Variants in FRMD4A observed in about 807,000 individuals in gnomAD.
FRMD4A encodes FERM domain containing 4A, also known as FERM domain-containing protein 4A.
In FRMD4A, 29 loss-of-function variants were observed where a neutral mutation model predicts 129.1. The ratio of observed to expected loss-of-function variants is 0.22; its 90% confidence interval spans 0.17 to 0.31. The LOEUF (loss-of-function observed/expected upper bound fraction) is 0.31. Among genes scored for constraint, FRMD4A ranks in the 10% least tolerant of loss-of-function variants. The pLI, the probability that FRMD4A is intolerant of heterozygous loss-of-function variation, is 1.00. For synonymous variants in FRMD4A, 634 were observed against 571.6 expected (o/e 1.11, Z -1.56); for missense variants, 1,272 against 1,375.8 (o/e 0.92, Z 1.19).
intron 6 of FRMD4A, among the ~76,000 whole-genome samples, chr10:13,773,934 C>T (rs761988527): frequency 9.2e-5 from 14 of 152,296 alleles, no homozygotes; most frequent in Middle Eastern, 3.4e-3. Context: ...AAAGCTGTGC[C>T]GTCTTATTGG....
rs759226131 is a variant in FRMD4A, at chr10:14,282,594, C to T, written c.45+47464G>A. 1.9e-4 allele frequency among the ~76,000 whole-genome samples: 28 copies of T among 149,728 alleles called. No homozygotes were observed. In the South Asian group the frequency reaches 3.5e-3, roughly 19 times the overall value. On this transcript the variant is annotated intron_variant, in intron 2 of 24. Coordinates refer to ENST00000357447, the MANE Select transcript of FRMD4A (RefSeq NM_018027.5). ...AGATTCTTTTCAGTTACCCTCACTG[C>T]TAACGGGAGCCAACCACACTCTGAA...
intron 2 of FRMD4A, among the ~76,000 whole-genome samples, chr10:14,119,264 C>G (rs1319398193): frequency 1.3e-5 from 2 of 152,162 alleles, no homozygotes; most frequent in African/African-American, 4.8e-5. Context: ...CGGGAGCATC[C>G]TTAGGCCAGA....
intron 2 of FRMD4A, among the ~76,000 whole-genome samples, chr10:14,035,335 C>T (rs7072139): frequency 0.22 from 33,645 of 151,444 alleles, 3,986 homozygotes; most frequent in African/African-American, 0.28. Flanking sequence ...CTGCATGAAT[C>T]CGTGAGGCTG....
At chr10:13,913,747 G>A (rs926592958) in intron 2 of FRMD4A, among the ~76,000 whole-genome samples, 1 of 152,174 alleles carries the variant, frequency 6.6e-6, no homozygotes, top group African/African-American at 2.4e-5. Flanking sequence ...TAGTCACTTA[G>A]TAACTAGGAC....
At chr10:13,919,559 G>T (rs1207519745) in intron 2 of FRMD4A, among the ~76,000 whole-genome samples, 1 of 151,990 alleles carries the variant, frequency 6.6e-6, no homozygotes, top group Non-Finnish European at 1.5e-5. Flanking sequence ...AAATTAATTT[G>T]TATAGGATTA....
chr10:13,716,094 T>G (rs1190573587), intron 12 of FRMD4A, among the ~76,000 whole-genome samples: 1 of 152,106 alleles, frequency 6.6e-6, no homozygotes, highest in Non-Finnish European at 1.5e-5. Flanking sequence ...TTGCAAAAAC[T>G]GTTTTCTGTG....
intron 2 of FRMD4A, among the ~76,000 whole-genome samples, chr10:14,163,537 G>A (rs2131873626): frequency 6.6e-6 from 1 of 152,288 alleles, no homozygotes; most frequent in African/African-American, 2.4e-5. Flanking sequence ...CTTGCTGGTG[G>A]ACTCTTTGTT....
intron 3 of FRMD4A, among the ~76,000 whole-genome samples, chr10:13,849,441 G>T (rs376325363): frequency 2.5e-4 from 38 of 151,790 alleles, no homozygotes; most frequent in African/African-American, 7.3e-4. Context: ...ATGCACTTTG[G>T]GGGGGATTCC....
At chr10:14,199,446 C>T (rs547013736) in intron 2 of FRMD4A, among the ~76,000 whole-genome samples, 71 of 151,202 alleles carry the variant, frequency 4.7e-4, no homozygotes, top group African/African-American at 1.6e-3. Context: ...CTCCACCTCC[C>T]GGGCTCAATC....
intron 2 of FRMD4A, among the ~76,000 whole-genome samples, chr10:13,994,934 C>T (rs1488946263): frequency 6.6e-6 from 1 of 152,100 alleles, no homozygotes; most frequent in African/African-American, 2.4e-5. Flanking sequence ...TTTATAATGC[C>T]TCTACGAGGT....
intron 2 of FRMD4A, among the ~76,000 whole-genome samples, chr10:14,231,724 T>A (rs184398546): frequency 1.9e-4 from 29 of 152,324 alleles, no homozygotes; most frequent in African/African-American, 6.0e-4. Context: ...CACGAGCATG[T>A]CTTCTTTTAA....
chr10:14,008,886 C>G (rs900829853), intron 2 of FRMD4A, among the ~76,000 whole-genome samples: 8 of 152,142 alleles, frequency 5.3e-5, no homozygotes, highest in African/African-American at 1.9e-4. Context: ...TATGTGAATA[C>G]AGTCCACAGA....
rs1206594577 is a variant in FRMD4A, at chr10:13,646,850, A to T, written c.*188T>A. The T allele has an allele frequency of 9.9e-6, 2 of 201,476 alleles. No homozygotes were observed. The highest frequency in any genetic ancestry group is 1.8e-5 in the Non-Finnish European group (2 of 112,686). 12.5% of individuals were successfully genotyped at this position (201,476 alleles called of 1,614,324 possible). ...TGAGGGCCAAAGCTGGTGCAGGGTG[A>T]CGGTGCGTCTGGGTAAGGCAAATGA... On this transcript the variant is annotated 3_prime_UTR_variant, in exon 25 of 25. Transcript: ENST00000357447.
chr10:13,929,096 G>A (rs947501859), intron 2 of FRMD4A, among the ~76,000 whole-genome samples: 1 of 152,152 alleles, frequency 6.6e-6, no homozygotes, highest in African/African-American at 2.4e-5. Context: ...AAGCGTGTTT[G>A]GCTGCACAGC....
intron 12 of FRMD4A, among the ~76,000 whole-genome samples, chr10:13,722,939 G>T (rs1199284198): frequency 1.3e-5 from 2 of 151,910 alleles, no homozygotes; most frequent in African/African-American, 4.8e-5. Context: ...ATGTTGGTTA[G>T]CTAGCTCACC....
chr10:13,957,065 C>G (rs1010806117), intron 2 of FRMD4A, among the ~76,000 whole-genome samples: 1 of 152,194 alleles, frequency 6.6e-6, no homozygotes, highest in African/African-American at 2.4e-5. Flanking sequence ...GTCAGTGGCT[C>G]TGAACCACGG....
intron 2 of FRMD4A, among the ~76,000 whole-genome samples, chr10:13,895,606 A>G (rs2094748410): frequency 6.6e-6 from 1 of 152,226 alleles, no homozygotes. Context: ...AATTTGAAAT[A>G]CTAACAGAAA....
intron 3 of FRMD4A, among the ~76,000 whole-genome samples, chr10:13,823,589 T>G (rs1246262014): frequency 6.6e-6 from 1 of 152,170 alleles, no homozygotes; most frequent in African/African-American, 2.4e-5. Flanking sequence ...CTTCCATTTT[T>G]TTGTTGTTGT....
At chr10:13,986,247 C>T (rs2095580779) in intron 2 of FRMD4A, among the ~76,000 whole-genome samples, 1 of 151,508 alleles carries the variant, frequency 6.6e-6, no homozygotes, top group Non-Finnish European at 1.5e-5. Flanking sequence ...GGAACCAACC[C>T]AAATGTCCAA....
Sources: gnomAD v4.1 joint callset for allele counts (sites outside exome capture counted in the v4.1 genomes callset) on GRCh38, gnomAD v4.1.1 for gene constraint, MANE v1.5 for transcripts, NCBI Gene and HGNC (gene_info 2026-07-23, HGNC 2026-07-21) for gene names.